The following PRKN variants were observed in gnomAD, a reference collection of about 807,000 sequenced individuals.
The protein encoded by PRKN is parkin RBR E3 ubiquitin protein ligase, also known as E3 ubiquitin-protein ligase parkin.
In PRKN, 56 loss-of-function variants were observed where a neutral mutation model predicts 59.5. The ratio of observed to expected loss-of-function variants is 0.94; its 90% CI spans 0.76 to 1.18. PRKN has a LOEUF of 1.18. PRKN is among the 50% of genes most tolerant of loss of function. The pLI is 0.00. For synonymous variants in PRKN, 250 were observed against 222.1 expected (o/e 1.13, Z -1.12); for missense variants, 657 against 596.4 (o/e 1.10, Z -1.06).
rs35748963 is a variant in PRKN at position 161,552,394 on chromosome 6, A to C, written c.934-3391T>G. 3.9e-5 allele frequency among the ~76,000 whole-genome samples: 1 copy of C among 25,932 alleles called. No individual in the cohort carries two copies. Among genetic ancestry groups the C allele is most frequent in the Admixed American group, 3.0e-4 (1 of 3,306 alleles). 17.0% of individuals were successfully genotyped at this position (25,932 alleles called of 152,430 possible). On this transcript the variant is annotated intron_variant, in intron 8 of 11. Transcript: ENST00000366898. The surrounding 1 kb of genome is among the most constrained non-coding windows in gnomAD (Gnocchi z 4.9). ...CTCTCCCTCAGCTCTGTTCACCTCC[A>C]CCTATGACTGTGAATGATCTCACGG...
At chr6:161,881,070 G>A (rs375177610) in intron 6 of PRKN, among the ~76,000 whole-genome samples, 1 of 152,080 alleles carries the variant, frequency 6.6e-6, no homozygotes, top group African/African-American at 2.4e-5. Context: ...ACCTACAAAG[G>A]GTAGAAAGGA....
intron 2 of PRKN, among the ~76,000 whole-genome samples, chr6:162,353,149 C>A (rs957338003): frequency 6.6e-6 from 1 of 152,120 alleles, no homozygotes; most frequent in African/African-American, 2.4e-5. Flanking sequence ...TCAACCTCAT[C>A]GTGTGGCAGG....
At position 161,909,874 on chromosome 6, in the gene PRKN, T is replaced by C. The variant is rs1317399734; in HGVS notation, c.734+63428A>G. On this transcript the variant is annotated intron_variant, in intron 6 of 11. Transcript: ENST00000366898. ...TGTGGTTATGGGTGTCACTATTCTC[T>C]TGGCAATAGTGCAATAGTGAAATAG... Among the ~76,000 whole-genome samples the C allele has an allele frequency of 2.0e-5, 3 of 152,228 alleles. No homozygotes were observed. In the East Asian group the frequency reaches 5.8e-4, roughly 29 times the overall value.
At chr6:161,662,147 CA>C (rs949636228) in intron 7 of PRKN, among the ~76,000 whole-genome samples, 1 of 151,848 alleles carries the variant, frequency 6.6e-6, no homozygotes, top group Non-Finnish European at 1.5e-5. Flanking sequence ...AATGTTGGCT[CA>C]AAAAAAATTC....
rs1779953806 is a variant in PRKN at position 161,550,303 on chromosome 6, G to A, written c.934-1300C>T. 6.6e-6 allele frequency among the ~76,000 whole-genome samples: 1 copy of A among 152,178 alleles called. No homozygotes were observed. The highest frequency in any genetic ancestry group is 1.5e-5 in the Non-Finnish European group (1 of 68,040). On this transcript the variant is annotated intron_variant, in intron 8 of 11. Transcript: ENST00000366898. This position sits in a 1 kb window ranked among gnomAD's most constrained non-coding sequence, Gnocchi z 4.0. Reference sequence around the variant, plus strand: ...CCTGACAGCTGCTTTCAGAACCCTGGGTGTTATTCTGGAAGATACCAGAAC... The same window carrying A: ...CCTGACAGCTGCTTTCAGAACCCTGAGTGTTATTCTGGAAGATACCAGAAC...
At chr6:162,522,870 A>G (rs1778131556) in intron 1 of PRKN, among the ~76,000 whole-genome samples, 1 of 152,204 alleles carries the variant, frequency 6.6e-6, no homozygotes, top group Non-Finnish European at 1.5e-5. Flanking sequence ...AAGGCATTTC[A>G]GTTGGACCAT....
chr6:162,718,676 G>C (rs1778816966), intron 1 of PRKN, among the ~76,000 whole-genome samples: 1 of 151,712 alleles, frequency 6.6e-6, no homozygotes, highest in Non-Finnish European at 1.5e-5. Context: ...TCACGCCACT[G>C]CACTCCAGCC....
chr6:162,255,820 T>C (rs1037759742), intron 3 of PRKN, among the ~76,000 whole-genome samples: 1 of 152,206 alleles, frequency 6.6e-6, no homozygotes, highest in Non-Finnish European at 1.5e-5. Context: ...AAATTCTGTA[T>C]TCAGTGCGTA....
rs951846309 is a variant in PRKN at position 162,364,603 on chromosome 6, C to T, written c.171+78707G>A. 3.9e-5 allele frequency among the ~76,000 whole-genome samples: 6 copies of T among 152,166 alleles called. 1 individual carries two copies. Among genetic ancestry groups the T allele is most frequent in the Admixed American group, 1.3e-4 (2 of 15,264 alleles). ...TCTTTCAAATGAAGAAAGCCCCACGCTCGGTGCCTTATCTTGCAAGCTCAC... is the reference window on the plus strand; with the variant it reads ...TCTTTCAAATGAAGAAAGCCCCACGTTCGGTGCCTTATCTTGCAAGCTCAC... On this transcript the variant is annotated intron_variant, in intron 2 of 11. Transcript: ENST00000366898.
chr6:162,236,794 C>T (rs903283829), intron 3 of PRKN, among the ~76,000 whole-genome samples: 16 of 134,260 alleles, frequency 1.2e-4, no homozygotes, highest in South Asian at 7.1e-4. Flanking sequence ...AACTCCATTT[C>T]GAAAAAAGAA....
At chr6:162,042,859 G>T (rs2061993323) in intron 5 of PRKN, among the ~76,000 whole-genome samples, 1 of 152,186 alleles carries the variant, frequency 6.6e-6, no homozygotes, top group African/African-American at 2.4e-5. Flanking sequence ...AGCACATGGA[G>T]AAATGGTTCT....
At chr6:161,618,259 G>T (rs1782767247) in intron 7 of PRKN, among the ~76,000 whole-genome samples, 1 of 152,036 alleles carries the variant, frequency 6.6e-6, no homozygotes, top group Non-Finnish European at 1.5e-5. Context: ...CTGCTGCTTT[G>T]AGAAAAGGAG....
intron 7 of PRKN, among the ~76,000 whole-genome samples, chr6:161,691,397 A>C (rs1423805487): frequency 6.6e-6 from 1 of 152,208 alleles, no homozygotes; most frequent in Non-Finnish European, 1.5e-5. Context: ...TCTAACCCAT[A>C]AGTTCTGCTT....
chr6:162,413,964 T>C (rs1788481358), intron 2 of PRKN, among the ~76,000 whole-genome samples: 2 of 151,688 alleles, frequency 1.3e-5, no homozygotes, highest in Admixed American at 1.3e-4. Flanking sequence ...GGTGGATCAC[T>C]TGAGGTCAAG....
chr6:161,550,723 A>ATGTGTG lies in PRKN; in HGVS notation c.934-1726_934-1721dup, dbSNP rs543930062. ...GGACAACTGTGGTAGAAGAAAGGGT[A>ATGTGTG]TGTGTGTGTGTGCACGTGTGTGTGT... is the stretch of plus-strand genomic sequence containing the variant. On this transcript the variant is annotated intron_variant, in intron 8 of 11. Transcript: ENST00000366898. The surrounding 1 kb of genome is among the most constrained non-coding windows in gnomAD (Gnocchi z 4.0). 0.048 allele frequency among the ~76,000 whole-genome samples: 5,738 copies of ATGTGTG among 119,436 alleles called. 122 individuals are homozygous for ATGTGTG. The highest frequency in any genetic ancestry group is 0.071 in the African/African-American group (2,240 of 31,650). The allele number at this position is 119,436 out of a possible 152,430, so 78.4% of individuals were successfully genotyped here.
At position 161,602,104 on chromosome 6, in the gene PRKN, TTATCTATC is replaced by T. The variant is rs75473524; in HGVS notation, c.872-32696_872-32689del. 8.2e-4 allele frequency among the ~76,000 whole-genome samples: 124 copies of T among 150,536 alleles called. 1 individual carries two copies. Among genetic ancestry groups the T allele is most frequent in the South Asian group, 7.6e-3 (36 of 4,730 alleles). On this transcript the variant is annotated intron_variant, in intron 7 of 11. Coordinates refer to ENST00000366898, the MANE Select transcript of PRKN (RefSeq NM_004562.3). ...TTTATCTAAGTATATTTAGGGGAGA[TTATCTATC>T]TATCTATCTATCTATCTATCTAATT...
intron 7 of PRKN, among the ~76,000 whole-genome samples, chr6:161,690,822 C>T (rs948416307): frequency 1.3e-5 from 2 of 152,204 alleles, no homozygotes; most frequent in Admixed American, 6.5e-5. Context: ...GGCCTTCAAA[C>T]GGCATCAGCA....
chr6:161,366,272 T>C (rs1390906362), intron 10 of PRKN, among the ~76,000 whole-genome samples: 2 of 152,162 alleles, frequency 1.3e-5, no homozygotes, highest in Non-Finnish European at 2.9e-5. Flanking sequence ...GGCTGAGCTT[T>C]GGTTCCTGTA....
rs1428677402 is a variant in PRKN, at chr6:161,530,708, G to T, written c.1083+18146C>A. Among the ~76,000 whole-genome samples the T allele has an allele frequency of 1.3e-5, 2 of 151,806 alleles. No homozygotes were observed. The highest frequency in any genetic ancestry group is 4.8e-5 in the African/African-American group (2 of 41,334). On this transcript the variant is annotated intron_variant, in intron 9 of 11. Coordinates refer to ENST00000366898, the MANE Select transcript of PRKN (RefSeq NM_004562.3). This position sits in a 1 kb window ranked among gnomAD's most constrained non-coding sequence, Gnocchi z 5.0. ...TTTTTTTCTATTTTTAGTGGAGACG[G>T]GGTTTCTCTATGTTGGTCAGGCCAG...
Sources: gnomAD v4.1 joint callset for allele counts (sites outside exome capture counted in the v4.1 genomes callset) on GRCh38, gnomAD v4.1.1 for gene constraint, Gnocchi (gnomAD v3.1) non-coding constraint, MANE v1.5 for transcripts, NCBI Gene and HGNC (gene_info 2026-07-23, HGNC 2026-07-21) for gene names.